The following MCF2 variants were observed in gnomAD, a reference collection of about 807,000 sequenced individuals.
MCF2 encodes MCF.2 cell line derived transforming sequence.
A neutral mutation model predicts 82.5 loss-of-function variants in MCF2; 44 were observed. The ratio of observed to expected loss-of-function variants is 0.53; its 90% CI spans 0.42 to 0.69. The LOEUF (loss-of-function observed/expected upper bound fraction) is 0.69. MCF2 is among the 30% of genes least tolerant of loss of function. MCF2 has a pLI of 0.00. For synonymous variants in MCF2, 217 were observed against 224.9 expected (o/e 0.96, Z 0.32); for missense variants, 623 against 663.1 (o/e 0.94, Z 0.66).
At chrX:139,611,170 A>G (rs1931463267) in intron 10 of MCF2, among the ~76,000 whole-genome samples, 1 of 111,811 alleles carries the variant, frequency 8.9e-6, no homozygotes, top group Non-Finnish European at 1.9e-5. Flanking sequence ...CACAGGCTGC[A>G]TGAGACTCCT....
chrX:139,584,128 C>CTTTTTT (rs1163854425), intron 24 of MCF2, among the ~76,000 whole-genome samples: 25 of 72,617 alleles, frequency 3.4e-4, no homozygotes, highest in African/African-American at 7.3e-4. Flanking sequence ...TGCCATTATC[C>CTTTTTT]TTTTTTTTTT....
At chrX:139,644,248 T>C (rs1443344492), upstream of MCF2, among the ~76,000 whole-genome samples, 1 of 112,369 alleles carries the variant, frequency 8.9e-6, no homozygotes, top group Non-Finnish European at 1.9e-5. Flanking sequence ...ATTCTTGCTC[T>C]GGCTTTTTTG....
At chrX:139,602,374 G>A (rs1225946676) in intron 16 of MCF2, 32 bp downstream of exon 20, 2 of 1,000,289 alleles carry the variant, frequency 2.0e-6, no homozygotes, top group Non-Finnish European at 2.8e-6. Flanking sequence ...CTTCCAGAAA[G>A]AATATATCCA....
In MCF2 at chrX:139,586,500, T is replaced by C; in HGVS notation, c.2523-13A>G. On this transcript the variant is annotated splice_polypyrimidine_tract_variant and intron_variant, in intron 22 of 24. Transcript: ENST00000370576. ...TCCCTGTTGCTTTCTGAAATAGTGA[T>C]GTATAAAACTAAGTGAGCTTTTGTA... The C allele has an allele frequency of 9.2e-7, 1 of 1,090,177 alleles. No individual in the cohort carries two copies. The highest frequency in any genetic ancestry group is 1.3e-6 in the Non-Finnish European group (1 of 786,690). 89.8% of individuals were successfully genotyped at this position (1,090,177 alleles called of 1,213,427 possible).
At chrX:139,638,133 T>C (rs1933344734) in intron 1 of MCF2, among the ~76,000 whole-genome samples, 1 of 111,904 alleles carries the variant, frequency 8.9e-6, no homozygotes, top group Non-Finnish European at 1.9e-5. Context: ...TGTAGTAATC[T>C]ATTACAGCAG....
chrX:139,587,774 G>A lies in MCF2; in HGVS notation c.2464C>T (p.Gln822Ter), dbSNP rs1569340755. Residue 822 changes from glutamine (Q) to a stop codon, truncating the protein, a stop_gained, in exon 22 of 25, where the codon CAA becomes TAA. Coordinates refer to ENST00000370576, the Ensembl canonical transcript of MCF2. LOFTEE classifies it high-confidence loss of function. The stretch of plus-strand genomic sequence containing the variant: ...TCCCGTTCTGTTAATTGATCCTGTT[G>A]CTTTCTTTTTTTAACTGAGAAATAA... The A allele has an allele frequency of 1.7e-6, 2 of 1,184,479 alleles. No individual in the cohort carries two copies. The highest frequency in any genetic ancestry group is 3.0e-5 in the East Asian group (1 of 33,453).
chrX:139,596,045 G>A (rs1930061868), intron 19 of MCF2, among the ~76,000 whole-genome samples: 1 of 111,739 alleles, frequency 8.9e-6, no homozygotes, highest in African/African-American at 3.3e-5. Flanking sequence ...TGAACACCCA[G>A]GTAGGGTGGA....
rs35352084 is a variant in MCF2 at position 139,605,156 on chromosome X, C to CT, written c.1558-173dup. On this transcript the variant is annotated intron_variant, in intron 13 of 24. Transcript: ENST00000370576. ...TCCTACTTCCCAAAGTTATCCATGA[C>CT]TTTTTTTTTTTTTTTTTTAGAAGGC... Among the ~76,000 whole-genome samples the CT allele has an allele frequency of 4.0e-3, 364 of 90,660 alleles. 5 individuals are homozygous for CT. Among genetic ancestry groups the CT allele is most frequent in the Admixed American group, 0.029 (234 of 8,023 alleles). The allele number at this position is 90,660 out of a possible 115,157, so 78.7% of individuals were successfully genotyped here.
intron 1 of MCF2, among the ~76,000 whole-genome samples, chrX:139,636,186 A>G (rs1347825015): frequency 9.0e-6 from 1 of 111,098 alleles, no homozygotes; most frequent in Non-Finnish European, 1.9e-5. Context: ...TCTGACAGGG[A>G]CTTGTGGGAA....
intron 1 of MCF2, among the ~76,000 whole-genome samples, chrX:139,663,635 A>G (rs1438858909): frequency 1.0e-5 from 1 of 98,127 alleles, no homozygotes; most frequent in Non-Finnish European, 2.0e-5. Context: ...AGCTGACCCC[A>G]ATGTCTGTTG....
At chrX:139,607,872 C>T (rs1931172420) in intron 11 of MCF2, 93 bp from the exon 16 acceptor site, 1 of 526,115 alleles carries the variant, frequency 1.9e-6, no homozygotes, top group Non-Finnish European at 3.2e-6. Flanking sequence ...ATTCTAGGTC[C>T]TAACTCTGAA....
chrX:139,647,333 A>G (rs144799242), upstream of MCF2, among the ~76,000 whole-genome samples: 1 of 111,939 alleles, frequency 8.9e-6, no homozygotes, highest in East Asian at 2.8e-4. Flanking sequence ...GCAGGAAAAG[A>G]TACAGAGCAC....
intron 1 of MCF2, 26 bp from the exon 5 acceptor site, chrX:139,632,480 T>C (rs761940835): frequency 2.6e-6 from 3 of 1,176,102 alleles, no homozygotes; most frequent in East Asian, 3.0e-5. Context: ...ACAAAAGAAA[T>C]TGGAAAAAAA....
intron 2 of MCF2, among the ~76,000 whole-genome samples, chrX:139,631,827 G>C (rs1932940853): frequency 2.7e-5 from 3 of 111,438 alleles, no homozygotes; most frequent in Admixed American, 1.9e-4. Flanking sequence ...ACAAAGAAAA[G>C]GACTTTATGT....
chrX:139,585,603 C>T (rs1869164324), intron 23 of MCF2, among the ~76,000 whole-genome samples: 1 of 112,113 alleles, frequency 8.9e-6, no homozygotes, highest in African/African-American at 3.2e-5. Context: ...CTCTGTTAGG[C>T]ATTTCTCCAA....
At chrX:139,692,520 T>C (rs1356094407) in intron 1 of MCF2, among the ~76,000 whole-genome samples, 1 of 111,694 alleles carries the variant, frequency 9.0e-6, no homozygotes. Flanking sequence ...AGGCGGGGGC[T>C]GTGGAGGAGG....
At chrX:139,652,524 T>C (rs1332379748) in intron 1 of MCF2, among the ~76,000 whole-genome samples, 1 of 112,092 alleles carries the variant, frequency 8.9e-6, no homozygotes, top group Non-Finnish European at 1.9e-5. Context: ...TGTCCATGCA[T>C]TGTTCAATGT....
chrX:139,621,023 G>T (rs781675928), intron 6 of MCF2, among the ~76,000 whole-genome samples: 1 of 111,375 alleles, frequency 9.0e-6, no homozygotes, highest in Non-Finnish European at 1.9e-5. Flanking sequence ...GAACAGAATA[G>T]AGAACCCAGA....
At chrX:139,652,922 G>C (rs972716985) in intron 1 of MCF2, among the ~76,000 whole-genome samples, 1 of 110,620 alleles carries the variant, frequency 9.0e-6, no homozygotes, top group African/African-American at 3.3e-5. Context: ...CAGTGGAATA[G>C]GTTATCTGTT....
Sources: allele counts gnomAD v4.1 joint callset (sites outside exome capture counted in the v4.1 genomes callset), GRCh38; gene constraint gnomAD v4.1.1; transcripts MANE v1.5; gene names NCBI Gene and HGNC (gene_info 2026-07-23, HGNC 2026-07-21).